The following MCCC2 variants were observed in gnomAD, a reference collection of about 807,000 sequenced individuals.
MCCC2 encodes methylcrotonoyl-CoA carboxylase beta chain, mitochondrial.
MCCC2 carries 52 observed loss-of-function variants against 77.2 expected under a neutral mutation model. That is an observed-to-expected ratio of 0.67 (90% CI 0.54 to 0.85). The LOEUF (loss-of-function observed/expected upper bound fraction) is 0.85. Among genes scored for constraint, MCCC2 ranks in the 40% least tolerant of loss-of-function variants. MCCC2 has a pLI of 0.00. For missense variants in MCCC2, 682 were observed against 703.2 expected (o/e 0.97, Z 0.34); for synonymous variants, 253 against 248.4 (o/e 1.02, Z -0.18).
rs1315643099 is a variant in MCCC2 at position 71,658,104 on chromosome 5, A to G, written c.*1244A>G. 6.6e-6 allele frequency: 1 copy of G among 152,174 alleles called. No homozygotes were observed. Among genetic ancestry groups the G allele is most frequent in the Non-Finnish European group, 1.5e-5 (1 of 68,046 alleles). The allele number at this position is 152,174 out of a possible 1,614,324, so 9.4% of individuals were successfully genotyped here. A position where few individuals can be genotyped will look rare whatever the true frequency, so the allele number is the denominator to read the frequency against. ...ATCCTGAAGTGAAAAGTAATGTCAG[A>G]TTACTCCCTTCAGTGATTTCTTGTA... On this transcript the variant is annotated 3_prime_UTR_variant, in exon 17 of 17. Transcript: ENST00000340941.
chr5:71,587,759 A>G (rs1744820703), intron 1 of MCCC2, among the ~76,000 whole-genome samples: 1 of 152,214 alleles, frequency 6.6e-6, no homozygotes, highest in Non-Finnish European at 1.5e-5. Context: ...TGTCTTTGAA[A>G]TCAGTGGTTC....
chr5:71,640,892 A>T, intron 10 of MCCC2, 111 bp from the exon 11 acceptor site: 1 of 900,822 alleles, frequency 1.1e-6, no homozygotes, highest in Non-Finnish European at 1.8e-6. Flanking sequence ...TGTAGTGTGA[A>T]ATTTTGTGAA....
chr5:71,650,700 G>A (rs959659712), intron 15 of MCCC2, among the ~76,000 whole-genome samples: 21 of 152,202 alleles, frequency 1.4e-4, no homozygotes, highest in African/African-American at 4.6e-4. Context: ...CCAGGCTGGT[G>A]TGCAGTGGCA....
chr5:71,649,918 T>G, intron 14 of MCCC2, 151 bp from the exon 15 acceptor site: 1 of 690,322 alleles, frequency 1.4e-6, no homozygotes, highest in South Asian at 1.6e-5. Flanking sequence ...TGGGGTGTGT[T>G]CCAGGCATTT....
Position 71,657,102 on chromosome 5 carries a change from A to C in MCCC2, c.*242A>C. On this transcript the variant is annotated 3_prime_UTR_variant, in exon 17 of 17. Transcript: ENST00000340941. ...TACCACCCATAAAGCGGAGACAGTA[A>C]TTTACGGTTATCCTTTCTGACCCAC... 2.1e-6 allele frequency: 1 copy of C among 472,280 alleles called. No individual in the cohort carries two copies. 29.3% of individuals were successfully genotyped at this position (472,280 alleles called of 1,614,324 possible). A position where few individuals can be genotyped will look rare whatever the true frequency, so the allele number is the denominator to read the frequency against.
intron 3 of MCCC2, among the ~76,000 whole-genome samples, 171 bp from the exon 4 acceptor site, chr5:71,599,488 G>A (rs1649233848): frequency 1.3e-5 from 2 of 152,158 alleles, no homozygotes; most frequent in Non-Finnish European, 2.9e-5. Flanking sequence ...TGGGATTACA[G>A]ACTTGAGCCA....
At chr5:71,592,791 A>T in intron 1 of MCCC2, 135 bp from the exon 2 acceptor site, 1 of 717,024 alleles carries the variant, frequency 1.4e-6, no homozygotes, top group Non-Finnish European at 2.5e-6. Context: ...GCTGCCACAG[A>T]TGGGGTGGCC....
intron 6 of MCCC2, among the ~76,000 whole-genome samples, chr5:71,608,624 G>A (rs1247271908): frequency 6.6e-6 from 1 of 152,050 alleles, no homozygotes; most frequent in African/African-American, 2.4e-5. Flanking sequence ...TCATTATGAT[G>A]TTAGCTGGTG....
At chr5:71,616,300 G>T (rs74714597) in intron 6 of MCCC2, among the ~76,000 whole-genome samples, 141 of 152,362 alleles carry the variant, frequency 9.3e-4, no homozygotes, top group African/African-American at 3.4e-3. Flanking sequence ...GGTAGTGGCA[G>T]CCCTGATTTA....
In MCCC2 at chr5:71,603,040, T is replaced by G. The variant is rs144161656; in HGVS notation, c.511+407T>G. The G allele has an allele frequency of 6.0e-3, 1,008 of 168,168 alleles. 16 individuals carry two copies. Among genetic ancestry groups the G allele is most frequent in the African/African-American group, 0.023 (958 of 41,764 alleles). 10.4% of individuals were successfully genotyped at this position (168,168 alleles called of 1,614,324 possible). A position where few individuals can be genotyped will look rare whatever the true frequency, so the allele number is the denominator to read the frequency against. On this transcript the variant is annotated intron_variant, in intron 5 of 16. Coordinates refer to ENST00000340941, the MANE Select transcript of MCCC2 (RefSeq NM_022132.5). ...TGAGCAGATGTAATTTAAAGTAAAT[T>G]TAATTTCCAGTGAAAGTAAACTTAT...
intron 6 of MCCC2, among the ~76,000 whole-genome samples, chr5:71,617,636 A>G (rs1746203459): frequency 6.6e-6 from 1 of 152,204 alleles, no homozygotes; most frequent in African/African-American, 2.4e-5. Context: ...TGATAAAACA[A>G]TTCCTTATGT....
chr5:71,653,990 A>T (rs920152894), intron 16 of MCCC2, among the ~76,000 whole-genome samples: 3 of 151,876 alleles, frequency 2.0e-5, no homozygotes, highest in Non-Finnish European at 4.4e-5. Context: ...GGGTGTGTGT[A>T]TGTGTTTTTG....
intron 6 of MCCC2, among the ~76,000 whole-genome samples, chr5:71,605,948 A>G (rs1745655869): frequency 6.6e-6 from 1 of 152,168 alleles, no homozygotes; most frequent in Admixed American, 6.5e-5. Context: ...CTGTTTTGGT[A>G]CCAATACCAT....
At chr5:71,619,240 A>G (rs1174369071) in intron 6 of MCCC2, among the ~76,000 whole-genome samples, 1 of 151,914 alleles carries the variant, frequency 6.6e-6, no homozygotes, top group Non-Finnish European at 1.5e-5. Context: ...TAGGATAGGT[A>G]CTGCATCCTT....
chr5:71,623,258 T>C (rs74378676), intron 6 of MCCC2, among the ~76,000 whole-genome samples: 5,308 of 152,290 alleles, frequency 0.035, 308 homozygotes, highest in African/African-American at 0.12. Context: ...GACACATTGA[T>C]TATCTCGCAG....
intron 5 of MCCC2, among the ~76,000 whole-genome samples, chr5:71,603,742 A>T (rs1303097551): frequency 6.6e-6 from 1 of 152,210 alleles, no homozygotes; most frequent in East Asian, 1.9e-4. Flanking sequence ...TGCAACCAAC[A>T]AAAGACTTAA....
intron 16 of MCCC2, among the ~76,000 whole-genome samples, chr5:71,653,685 C>A (rs1260477961): frequency 6.6e-6 from 1 of 151,702 alleles, no homozygotes; most frequent in Non-Finnish European, 1.5e-5. Context: ...CCAGTCTCTA[C>A]AAAAAATATA....
chr5:71,644,460 TTTATTA>T (rs1029716521), intron 12 of MCCC2, among the ~76,000 whole-genome samples: 1 of 151,968 alleles, frequency 6.6e-6, no homozygotes, highest in Admixed American at 6.6e-5. Flanking sequence ...GTTCTTTTTA[TTTATTA>T]TTATTATTAT....
Position 71,587,515 on chromosome 5 carries a change from G to T in MCCC2, c.90G>T (p.Ser30=), listed in dbSNP as rs559384926. 1.6e-4 allele frequency: 244 copies of T among 1,538,188 alleles called. 2 individuals carry two copies. In the South Asian group the frequency reaches 2.6e-3, roughly 16 times the overall value. ...CCTATCACGGGGACTCGGTGGCCTC[G>T]CTGGGCACCCAGCCGGACTTGGGCT... The part of the protein sequence containing the change: ...PRAYHGDSVA[S]LGTQPDLGSA... The change falls in exon 1 of 17, where the codon TCG becomes TCT. Residue 30 remains serine (S), a synonymous_variant. Transcript: ENST00000340941.
Sources: gnomAD v4.1 joint callset for allele counts (sites outside exome capture counted in the v4.1 genomes callset) on GRCh38, gnomAD v4.1.1 for gene constraint, MANE v1.5 for transcripts, NCBI Gene and HGNC (gene_info 2026-07-23, HGNC 2026-07-21) for gene names.